The following NTM variants were observed in gnomAD, a reference collection of about 807,000 sequenced individuals.
The protein encoded by NTM is IgLON family member 2.
NTM carries 13 observed loss-of-function variants against 42.1 expected under a neutral mutation model. That is an observed-to-expected ratio of 0.31 (90% confidence interval 0.20 to 0.49). The LOEUF (loss-of-function observed/expected upper bound fraction) is 0.49. NTM is among the 20% of genes least tolerant of loss of function. The pLI, the probability that NTM is intolerant of heterozygous loss-of-function variation, is 0.99. For missense variants in NTM, 373 were observed against 452.8 expected, an observed-to-expected ratio of 0.82 and a Z score of 1.60; for synonymous variants, 187 against 179.2, an observed-to-expected ratio of 1.04 and a Z score of -0.35.
intron 4 of NTM, among the ~76,000 whole-genome samples, chr11:132,218,092 A>G (rs1305419168): frequency 1.3e-5 from 2 of 152,106 alleles, no homozygotes; most frequent in Non-Finnish European, 2.9e-5. Flanking sequence ...AGCACCCTGG[A>G]ACTAATGAGC....
chr11:131,992,678 A>G (rs1185811661), intron 2 of NTM, among the ~76,000 whole-genome samples: 1 of 151,970 alleles, frequency 6.6e-6, no homozygotes, highest in Non-Finnish European at 1.5e-5. Flanking sequence ...TACACACACA[A>G]TTGCCTGAAA....
At chr11:131,922,069 C>CT (rs1175793600) in intron 2 of NTM, 1 of 152,238 alleles carries the variant, frequency 6.6e-6, no homozygotes, top group African/African-American at 2.4e-5. Context: ...TTATTTTTTT[C>CT]TTTTTTGCTT....
chr11:131,550,650 C>A (rs1202377985), intron 1 of NTM, among the ~76,000 whole-genome samples: 1 of 152,076 alleles, frequency 6.6e-6, no homozygotes, highest in South Asian at 2.1e-4. Context: ...CCAATTAACC[C>A]TTTTTTTCTT....
intron 1 of NTM, among the ~76,000 whole-genome samples, chr11:131,906,064 A>G (rs1452338951): frequency 6.6e-6 from 1 of 152,232 alleles, no homozygotes; most frequent in Non-Finnish European, 1.5e-5. Context: ...CAATAGCACT[A>G]GACGACACGC....
At chr11:131,846,399 A>G (rs1315704105) in intron 1 of NTM, among the ~76,000 whole-genome samples, 2 of 152,028 alleles carry the variant, frequency 1.3e-5, no homozygotes, top group Non-Finnish European at 2.9e-5. Flanking sequence ...TTTGTTTTAT[A>G]TATTCTTTGG....
At chr11:131,636,187 C>T (rs1180943195) in intron 1 of NTM, among the ~76,000 whole-genome samples, 1 of 152,160 alleles carries the variant, frequency 6.6e-6, no homozygotes, top group East Asian at 1.9e-4. Flanking sequence ...CACAGAGCCC[C>T]ACCACGGAGG....
intron 1 of NTM, among the ~76,000 whole-genome samples, chr11:131,411,540 CGTGTGTGTGTGTGTGTGTGTGTGT>C (rs5795724): frequency 7.7e-6 from 1 of 129,714 alleles, no homozygotes. Context: ...TAGGGGGGGC[CGTGTGTGTGTGTGTGTGTGTGTGT>C]GTGTGTGTGT....
intron 1 of NTM, among the ~76,000 whole-genome samples, chr11:131,751,361 T>C (rs1381059847): frequency 6.6e-6 from 1 of 151,342 alleles, no homozygotes; most frequent in Non-Finnish European, 1.5e-5. Context: ...GAGGCTGAGG[T>C]GGGCGGATCA....
At chr11:131,498,032 T>A (rs35051291) in intron 1 of NTM, among the ~76,000 whole-genome samples, 5 of 152,192 alleles carry the variant, frequency 3.3e-5, no homozygotes, top group Non-Finnish European at 7.3e-5. Context: ...GAATAAGACC[T>A]CCTTCCCCTC....
intron 2 of NTM, among the ~76,000 whole-genome samples, chr11:132,018,130 T>A (rs2073737283): frequency 6.6e-6 from 1 of 151,850 alleles, no homozygotes; most frequent in South Asian, 2.1e-4. Context: ...TGTCTCTCTG[T>A]CTCTCTTTTC....
intron 1 of NTM, among the ~76,000 whole-genome samples, chr11:131,580,604 T>G (rs1362332661): frequency 2.0e-5 from 3 of 152,214 alleles, no homozygotes; most frequent in Admixed American, 2.0e-4. Context: ...ACCTGACAGA[T>G]GGAGAGAGCT....
intron 2 of NTM, among the ~76,000 whole-genome samples, chr11:132,004,606 TC>T (rs2070291368): frequency 2.0e-4 from 2 of 10,204 alleles, no homozygotes; most frequent in Non-Finnish European, 3.1e-3. Context: ...TTTCTCTCTT[TC>T]TCTCTCTCTC....
chr11:131,587,999 G>A (rs1431417662), intron 1 of NTM, among the ~76,000 whole-genome samples: 1 of 152,190 alleles, frequency 6.6e-6, no homozygotes, highest in Non-Finnish European at 1.5e-5. Context: ...AAGCATGTGT[G>A]GAATGCTTGC....
intron 1 of NTM, among the ~76,000 whole-genome samples, chr11:131,609,607 CT>C (rs1332402015): frequency 6.6e-6 from 1 of 152,226 alleles, no homozygotes; most frequent in African/African-American, 2.4e-5. Flanking sequence ...GAAAAGCAGA[CT>C]GTGGTTTGCA....
At chr11:131,864,579 TA>T (rs1193030154) in intron 1 of NTM, among the ~76,000 whole-genome samples, 7 of 152,320 alleles carry the variant, frequency 4.6e-5, no homozygotes, top group African/African-American at 1.7e-4. Context: ...CAGGGACTTC[TA>T]GAGTGTTAGG....
At position 131,918,485 on chromosome 11, in the gene NTM, A is replaced by G. The variant is rs918979046; in HGVS notation, c.167+6837A>G. 4.6e-5 allele frequency among the ~76,000 whole-genome samples: 7 copies of G among 152,250 alleles called. 1 individual carries two copies. The Middle Eastern group carries it at 0.01, about 222-fold the overall frequency. ...TCCTCACAGATACTCCATCAGGTGG[A>G]CACAATGATTACTCTGATTTTACAG... On this transcript the variant is annotated intron_variant, in intron 2 of 8. Transcript: ENST00000683400.
At chr11:131,673,914 C>T (rs943345529) in intron 1 of NTM, among the ~76,000 whole-genome samples, 3 of 152,174 alleles carry the variant, frequency 2.0e-5, no homozygotes, top group African/African-American at 7.2e-5. Context: ...TGGTGTCAGA[C>T]TCTGATGGGT....
In NTM at chr11:131,583,927, C is replaced by T. The variant is rs1195915535; in HGVS notation, c.82+213039C>T. Among the ~76,000 whole-genome samples the T allele has an allele frequency of 2.0e-5, 3 of 152,158 alleles. No homozygotes were observed. In the East Asian group the frequency reaches 5.8e-4, roughly 29 times the overall value. On this transcript the variant is annotated intron_variant, in intron 1 of 8. Transcript: ENST00000683400. ...ACCCCTTAAATCAGATAGTCACTGT[C>T]CCAAGGATCTGCAGCTAGGCACTGT... is the stretch of plus-strand genomic sequence containing the variant.
At chr11:132,044,900 C>T (rs886729808) in intron 2 of NTM, among the ~76,000 whole-genome samples, 6 of 151,950 alleles carry the variant, frequency 3.9e-5, no homozygotes, top group Non-Finnish European at 8.8e-5. Flanking sequence ...AGCCTACCGA[C>T]CAAAAAAAGC....
Sources: gnomAD v4.1 joint callset for allele counts (sites outside exome capture counted in the v4.1 genomes callset) on GRCh38, gnomAD v4.1.1 for gene constraint, MANE v1.5 for transcripts, NCBI Gene and HGNC (gene_info 2026-07-23, HGNC 2026-07-21) for gene names.